BFSP2: variants seen among roughly 807,000 people sequenced by gnomAD.
BFSP2 encodes beaded filament structural protein 2.
In BFSP2, 38 loss-of-function variants were observed where a neutral mutation model predicts 44.9. The observed-to-expected ratio is 0.85, with a 90% CI of 0.65 to 1.11. The LOEUF is 1.11. BFSP2 is among the 50% of genes least tolerant of loss of function. The pLI, the probability that BFSP2 is intolerant of heterozygous loss-of-function variation, is 0.00. For missense variants in BFSP2, 525 were observed against 533.0 expected (o/e 0.99, Z 0.15); for synonymous variants, 197 against 209.9 (o/e 0.94, Z 0.53).
rs1473665826 is a variant in BFSP2 at position 133,424,218 on chromosome 3, T to TGTGTGTGTGTGTG, written c.490-23099_490-23098insGTGTGTGTGTGTG. 1.2e-3 allele frequency among the ~76,000 whole-genome samples: 76 copies of TGTGTGTGTGTGTG among 64,808 alleles called. 3 individuals carry two copies. Among genetic ancestry groups the TGTGTGTGTGTGTG allele is most frequent in the African/African-American group, 3.7e-3 (71 of 19,082 alleles). 42.5% of individuals were successfully genotyped at this position (64,808 alleles called of 152,430 possible). A position where few individuals can be genotyped will look rare whatever the true frequency, so the allele number is the denominator to read the frequency against. On this transcript the variant is annotated intron_variant, in intron 1 of 6. Transcript: ENST00000302334. Reference sequence around the variant, plus strand: ...CTACCACCGCGTCCAGCTAATTTTTTTTTTTTTTTTTTTTTTTTTTTTTGT... The same window carrying TGTGTGTGTGTGTG: ...CTACCACCGCGTCCAGCTAATTTTTTGTGTGTGTGTGTGTTTTTTTTTTTTTTTTTTTTTTTGT...
At chr3:133,447,675 T>C (rs1325130111) in intron 2 of BFSP2, among the ~76,000 whole-genome samples, 2 of 152,084 alleles carry the variant, frequency 1.3e-5, no homozygotes, top group Non-Finnish European at 2.9e-5. Context: ...AAAACAGAGA[T>C]TGCTGCGCCC....
intron 1 of BFSP2, among the ~76,000 whole-genome samples, chr3:133,401,896 T>C (rs776353814): frequency 6.6e-6 from 1 of 152,138 alleles, no homozygotes; most frequent in Non-Finnish European, 1.5e-5. Context: ...CCTGCACTGC[T>C]GTCAGTGCCC....
At chr3:133,465,128 C>T (rs1253884087) in intron 4 of BFSP2, among the ~76,000 whole-genome samples, 3 of 151,866 alleles carry the variant, frequency 2.0e-5, no homozygotes, top group East Asian at 3.9e-4. Flanking sequence ...CTCAGCCTCC[C>T]GAGTAGCTGG....
Position 133,400,170 on chromosome 3 carries a change from G to A in BFSP2, c.87G>A (p.Gly29=), listed in dbSNP as rs750860569. ...PLQRRRASFR[G]PRSSSSLESP... is the part of the protein sequence containing the mutation. ...AGAGGCGCAGGGCGTCCTTCAGGGG[G>A]CCACGGTCATCATCCTCCCTGGAGA... is the stretch of plus-strand genomic sequence containing the variant. Residue 29 remains glycine, a synonymous_variant, in exon 1 of 7, where the codon GGG becomes GGA. Transcript: ENST00000302334. The surrounding 1 kb of genome is among the most constrained non-coding windows in gnomAD (Gnocchi z 4.0). The A allele has an allele frequency of 6.2e-6, 10 of 1,614,126 alleles. No homozygotes were observed. The highest frequency in any genetic ancestry group is 8.5e-6 in the Non-Finnish European group (10 of 1,180,016).
chr3:133,421,569 T>C (rs2073592789), intron 1 of BFSP2, among the ~76,000 whole-genome samples: 1 of 152,240 alleles, frequency 6.6e-6, no homozygotes, highest in African/African-American at 2.4e-5. Context: ...CTTGATGACA[T>C]CTGTAAAGAT....
chr3:133,464,605 T>C (rs1004614816), intron 4 of BFSP2, among the ~76,000 whole-genome samples: 4 of 152,064 alleles, frequency 2.6e-5, no homozygotes, highest in African/African-American at 9.7e-5. Flanking sequence ...TATTTAACTA[T>C]TAAATAACAA....
chr3:133,404,910 TGGCAACTACAGAGGCTGAGGAAGACCTG>T (rs1291963219), intron 1 of BFSP2: 1 of 152,202 alleles, frequency 6.6e-6, no homozygotes, highest in Non-Finnish European at 1.5e-5. Context: ...AAACCCCAGG[TGGCAACTACAGAGGCTGAGGAAGACCTG>T]GGCCATTTCC....
intron 4 of BFSP2, among the ~76,000 whole-genome samples, chr3:133,464,517 G>C (rs140291890): frequency 6.6e-6 from 1 of 152,310 alleles, no homozygotes; most frequent in South Asian, 2.1e-4. Flanking sequence ...TTTATTATTA[G>C]TAGTATTTAA....
chr3:133,474,200 C>T (rs188055582), intron 6 of BFSP2, among the ~76,000 whole-genome samples: 247 of 152,288 alleles, frequency 1.6e-3, no homozygotes, highest in Middle Eastern at 3.4e-3. Context: ...TAGTTCTATG[C>T]CTTCTTATTT....
intron 1 of BFSP2, among the ~76,000 whole-genome samples, chr3:133,408,503 T>C (rs1264871641): frequency 6.6e-6 from 1 of 152,222 alleles, no homozygotes; most frequent in Non-Finnish European, 1.5e-5. Flanking sequence ...GACCCAGCAG[T>C]CCTGTTTCTA....
intron 1 of BFSP2, among the ~76,000 whole-genome samples, chr3:133,443,807 C>T (rs867772669): frequency 2.0e-5 from 3 of 152,200 alleles, no homozygotes; most frequent in African/African-American, 4.8e-5. Flanking sequence ...CCTCCCCACA[C>T]CTGCAGCTCT....
chr3:133,426,645 T>C (rs368492232), intron 1 of BFSP2, among the ~76,000 whole-genome samples: 4 of 152,224 alleles, frequency 2.6e-5, no homozygotes, highest in African/African-American at 9.6e-5. Flanking sequence ...TCTTGATTCT[T>C]CATCTTTCAT....
At chr3:133,444,070 A>G (rs74932409) in intron 1 of BFSP2, among the ~76,000 whole-genome samples, 10,132 of 151,964 alleles carry the variant, frequency 0.067, 465 homozygotes, top group Non-Finnish European at 0.093. Context: ...TCAGATGACT[A>G]TGGACAGGAA....
rs753744191 is a variant in BFSP2, at chr3:133,425,794, G to GGAA, written c.490-21521_490-21519dup. Among the ~76,000 whole-genome samples the GGAA allele has an allele frequency of 6.5e-3, 864 of 133,348 alleles. 9 individuals carry two copies. The highest frequency in any genetic ancestry group is 0.047 in the Middle Eastern group (13 of 276). 87.5% of individuals were successfully genotyped at this position (133,348 alleles called of 152,430 possible). A position where few individuals can be genotyped will look rare whatever the true frequency, so the allele number is the denominator to read the frequency against. ...AAGGGAAAGGGAAAGGGAAGGGAAG[G>GGAA]GAAGGGAAGAAGGGAAGGGAAGGGA... On this transcript the variant is annotated intron_variant, in intron 1 of 6. Transcript: ENST00000302334.
intron 5 of BFSP2, among the ~76,000 whole-genome samples, chr3:133,468,896 A>C (rs2074136373): frequency 3.3e-5 from 5 of 152,238 alleles, no homozygotes; most frequent in Admixed American, 1.3e-4. Context: ...TCATAACGTC[A>C]TTGAGATGAT....
chr3:133,460,296 C>G (rs2074050538), intron 4 of BFSP2, among the ~76,000 whole-genome samples: 1 of 152,144 alleles, frequency 6.6e-6, no homozygotes, highest in Non-Finnish European at 1.5e-5. Context: ...GTAATTTGCC[C>G]AAAATTACAC....
At chr3:133,443,608 A>T (rs1289692946) in intron 1 of BFSP2, among the ~76,000 whole-genome samples, 1 of 152,234 alleles carries the variant, frequency 6.6e-6, no homozygotes, top group Admixed American at 6.5e-5. Flanking sequence ...TGTTATTAAG[A>T]GCAGTATCAC....
intron 4 of BFSP2, among the ~76,000 whole-genome samples, chr3:133,463,075 G>A (rs746158065): frequency 1.4e-4 from 22 of 152,194 alleles, no homozygotes; most frequent in Admixed American, 1.2e-3. Context: ...TTGGGAAGCT[G>A]AAGCCGGCGG....
intron 1 of BFSP2, among the ~76,000 whole-genome samples, chr3:133,423,824 G>A (rs945639055): frequency 2.6e-4 from 39 of 152,066 alleles, no homozygotes; most frequent in African/African-American, 9.2e-4. Context: ...TTTGTGTCAA[G>A]CCCTGGACTC....
Sources: gnomAD v4.1 joint callset for allele counts (sites outside exome capture counted in the v4.1 genomes callset) on GRCh38, gnomAD v4.1.1 for gene constraint, Gnocchi (gnomAD v3.1) non-coding constraint, MANE v1.5 for transcripts, NCBI Gene and HGNC (gene_info 2026-07-23, HGNC 2026-07-21) for gene names.